Variants in POLR2C observed in about 807,000 individuals in gnomAD.
POLR2C encodes DNA-directed RNA polymerase II subunit RPB3.
A neutral mutation model predicts 41.7 loss-of-function variants in POLR2C; 36 were observed. The ratio of observed to expected loss-of-function variants is 0.86; its 90% confidence interval spans 0.66 to 1.14. POLR2C has a LOEUF of 1.14. Ranked by LOEUF, POLR2C falls within the 50% of genes most tolerant of loss-of-function variation. POLR2C has a pLI of 0.00. For missense variants in POLR2C, 260 were observed against 350.4 expected, an observed-to-expected ratio of 0.74 and a Z score of 2.06; for synonymous variants, 133 against 137.8, an observed-to-expected ratio of 0.96 and a Z score of 0.25.
rs373331408 is a variant in POLR2C at position 57,470,006 on chromosome 16, G to C, written c.485G>C (p.Arg162Pro). Residue 162 changes from arginine to proline, a missense_variant, in exon 7 of 9, where the codon CGA (arginine) becomes CCA (proline). Transcript: ENST00000219252. ...KLRKGQELRLRAYAKKGFGKE... is the reference protein window; with the variant it reads ...KLRKGQELRLPAYAKKGFGKE... ...AGAAAGGGCCAGGAGCTGAGACTTC[G>C]AGCCTATGCCAAAAAGGGCTTTGGC... The C allele has an allele frequency of 2.7e-5, 43 of 1,613,994 alleles. No individual in the cohort carries two copies. The highest frequency in any genetic ancestry group is 3.5e-5 in the Non-Finnish European group (41 of 1,180,020).
chr16:57,467,306 A>G (rs908436785), intron 4 of POLR2C, among the ~76,000 whole-genome samples: 14 of 152,248 alleles, frequency 9.2e-5, no homozygotes, highest in African/African-American at 3.4e-4. Context: ...ACCTAATACT[A>G]CGTTGTCACA....
rs754853119 is a variant in POLR2C, at chr16:57,462,714, C to A, written c.-11C>A. On this transcript the variant is annotated 5_prime_UTR_variant, in exon 1 of 9. Transcript: ENST00000219252. ...CGGAGCAGACGCGGAGGCTGGTGGC[C>A]CCTGGGCGAGATGCCGTACGCCAAC... is the stretch of plus-strand genomic sequence containing the variant. The A allele has an allele frequency of 5.7e-6, 9 of 1,586,996 alleles. No individual in the cohort carries two copies. The highest frequency in any genetic ancestry group is 3.5e-5 in the Admixed American group (2 of 57,340).
chr16:57,465,160 A>G (rs1488010424), intron 2 of POLR2C, among the ~76,000 whole-genome samples: 1 of 152,178 alleles, frequency 6.6e-6, no homozygotes, highest in Non-Finnish European at 1.5e-5. Context: ...AGCTTGGGTC[A>G]GGGTTCTCTC....
chr16:57,469,669 G>C lies in POLR2C; in HGVS notation c.388-41G>C. On this transcript the variant is annotated intron_variant, in intron 5 of 8. Transcript: ENST00000219252. This position sits in a 1 kb window ranked among gnomAD's most constrained non-coding sequence, Gnocchi z 5.8. ...TATGGATGCCAGAGGAGGTGACTGG[G>C]GAGGTGAGCAGCTAATGAATGCCTG... 6.5e-7 allele frequency: 1 copy of C among 1,542,744 alleles called. No homozygotes were observed. Among genetic ancestry groups the C allele is most frequent in the Non-Finnish European group, 9.0e-7 (1 of 1,116,328 alleles).
intron 2 of POLR2C, among the ~76,000 whole-genome samples, chr16:57,464,524 GTCAGC>G (rs546009841): frequency 2.0e-3 from 299 of 152,320 alleles, no homozygotes; most frequent in Non-Finnish European, 3.5e-3. Context: ...ATTTCTGAGA[GTCAGC>G]TCAGAGAGTT....
chr16:57,462,778 T>C lies in POLR2C; in HGVS notation c.54T>C (p.Asn18=). 6.2e-7 allele frequency: 1 copy of C among 1,609,742 alleles called. No individual in the cohort carries two copies. The highest frequency in any genetic ancestry group is 8.5e-7 in the Non-Finnish European group (1 of 1,178,032). ...TVRITELTDE[N]VKFIIENTDL... Reference sequence around the variant, plus strand: ...GGATCACGGAGCTCACTGACGAGAATGTCAAGTTCATCATCGAGAACACCG... The same window carrying C: ...GGATCACGGAGCTCACTGACGAGAACGTCAAGTTCATCATCGAGAACACCG... Residue 18 remains asparagine, a synonymous_variant, in exon 1 of 9, where the codon AAT becomes AAC. Transcript: ENST00000219252.
Position 57,469,604 on chromosome 16 carries a change from C to A in POLR2C, c.388-106C>A. Reference sequence around the variant, plus strand: ...CTGTGCCACCACCTCGTCAGGTGTTCGTTCCCTGGTTGACAGATTGCAGTC... The same window carrying A: ...CTGTGCCACCACCTCGTCAGGTGTTAGTTCCCTGGTTGACAGATTGCAGTC... On this transcript the variant is annotated intron_variant, in intron 5 of 8. Transcript: ENST00000219252. This position sits in a 1 kb window ranked among gnomAD's most constrained non-coding sequence, Gnocchi z 5.8. 1 of 985,876 alleles carries A rather than the reference C, an allele frequency of 1.0e-6. No individual in the cohort carries two copies. Among genetic ancestry groups the A allele is most frequent in the Non-Finnish European group, 1.6e-6 (1 of 617,350 alleles). The allele number at this position is 985,876 out of a possible 1,614,324, so 61.1% of individuals were successfully genotyped here.
chr16:57,470,075 A>C lies in POLR2C; in HGVS notation c.554A>C (p.Glu185Ala). Residue 185 changes from glutamate (E) to alanine (A), a missense_variant, in exon 7 of 9, where the codon GAA becomes GCA. Transcript: ENST00000219252. ...KWNPTAGVAF[E>A]YDPDNALRHT... ...AACCCTACTGCAGGGGTGGCTTTTG[A>C]ATACGATCCAGACAATGCCCTGAGG... The C allele has an allele frequency of 6.2e-7, 1 of 1,614,174 alleles. No homozygotes were observed. Among genetic ancestry groups the C allele is most frequent in the Non-Finnish European group, 8.5e-7 (1 of 1,180,036 alleles).
At chr16:57,466,993 G>A (rs2030723429) in intron 4 of POLR2C, among the ~76,000 whole-genome samples, 1 of 152,140 alleles carries the variant, frequency 6.6e-6, no homozygotes, top group African/African-American at 2.4e-5. Context: ...CAGCACTTTG[G>A]GAGGCCGAGG....
chr16:57,464,895 G>A (rs1160196393), intron 2 of POLR2C, among the ~76,000 whole-genome samples: 2 of 152,112 alleles, frequency 1.3e-5, no homozygotes, highest in Non-Finnish European at 2.9e-5. Context: ...CAGGACCTGC[G>A]TGAAGGAATT....
rs74876494 is a variant in POLR2C, at chr16:57,470,508, C to T, written c.683+154C>T. 274 of 616,362 alleles carry T rather than the reference C, an allele frequency of 4.4e-4. 1 individual carries two copies. In the African/African-American group the frequency reaches 4.7e-3, roughly 11 times the overall value. 38.2% of individuals were successfully genotyped at this position (616,362 alleles called of 1,614,324 possible). A position where few individuals can be genotyped will look rare whatever the true frequency, so the allele number is the denominator to read the frequency against. On this transcript the variant is annotated intron_variant, in intron 8 of 8. Coordinates refer to ENST00000219252, the MANE Select transcript of POLR2C (RefSeq NM_032940.3). The stretch of plus-strand genomic sequence containing the variant: ...CTAAACTAGACCTGTGGTATGTGCA[C>T]ATCCCAGGGGCAGGTCGTCAGCCCC...
intron 8 of POLR2C, 114 bp downstream of exon 8, chr16:57,470,468 A>C (rs755437502): frequency 2.5e-5 from 19 of 762,284 alleles, no homozygotes; most frequent in Non-Finnish European, 3.7e-5. Context: ...TAAGCTGAGG[A>C]GGGGCTGCTG....
At chr16:57,463,858 T>A in intron 2 of POLR2C, 1 of 307,364 alleles carries the variant, frequency 3.3e-6, no homozygotes, top group South Asian at 2.4e-5. Context: ...CAGAATTGAT[T>A]GAACCCAGAA....
intron 2 of POLR2C, among the ~76,000 whole-genome samples, chr16:57,464,389 C>G (rs1173814496): frequency 6.6e-6 from 1 of 152,228 alleles, no homozygotes; most frequent in East Asian, 1.9e-4. Context: ...ATCAGTAGTT[C>G]AGGAGAAGCA....
chr16:57,462,998 C>T (rs1316573348), intron 1 of POLR2C, 31 bp from the exon 2 acceptor site: 10 of 1,601,962 alleles, frequency 6.2e-6, no homozygotes, highest in Admixed American at 1.7e-5. Flanking sequence ...GGCTGCAGCG[C>T]CTTCACGCCC....
In POLR2C at chr16:57,466,101, C is replaced by T. The variant is rs141428827; in HGVS notation, c.206-74C>T. The T allele has an allele frequency of 1.5e-3, 2,101 of 1,443,380 alleles. 38 individuals carry two copies. The Admixed American group carries it at 0.034, about 23-fold the overall frequency. 89.4% of individuals were successfully genotyped at this position (1,443,380 alleles called of 1,614,324 possible). A position where few individuals can be genotyped will look rare whatever the true frequency, so the allele number is the denominator to read the frequency against. The stretch of plus-strand genomic sequence containing the variant: ...GAGGGGGCCTCCTTCCAGCCTCACC[C>T]CCAGAAGGCTTCTGGGTTCTCATTT... On this transcript the variant is annotated intron_variant, in intron 3 of 8. Transcript: ENST00000219252.
In POLR2C at chr16:57,469,518, G is replaced by C. The variant is rs2030778853; in HGVS notation, c.388-192G>C. ...CCCAGGGACTCTTTTAAAGGCCATGGAATTGTTTTGCCTGAGGCTACCACC... is the reference window on the plus strand; with the variant it reads ...CCCAGGGACTCTTTTAAAGGCCATGCAATTGTTTTGCCTGAGGCTACCACC... On this transcript the variant is annotated intron_variant, in intron 5 of 8. Coordinates refer to ENST00000219252, the MANE Select transcript of POLR2C (RefSeq NM_032940.3). This position sits in a 1 kb window ranked among gnomAD's most constrained non-coding sequence, Gnocchi z 5.8. 1 of 729,280 alleles carries C rather than the reference G, an allele frequency of 1.4e-6. No individual in the cohort carries two copies. The highest frequency in any genetic ancestry group is 2.4e-6 in the Non-Finnish European group (1 of 416,432). 45.2% of individuals were successfully genotyped at this position (729,280 alleles called of 1,614,324 possible).
Position 57,466,206 on chromosome 16 carries a change from G to A in POLR2C, c.237G>A (p.Val79=). Reference sequence around the variant, plus strand: ...TTCCCCTCATTAGTGATGACATTGTGGACAAGCTGCAGTACTCTCGGGTAT... The same window carrying A: ...TTCCCCTCATTAGTGATGACATTGTAGACAAGCTGCAGTACTCTCGGGTAT... ...GLIPLISDDI[V]DKLQYSRDCT... is the part of the protein sequence containing the mutation. Residue 79 remains valine, a synonymous_variant, in exon 4 of 9, where the codon GTG becomes GTA. Transcript: ENST00000219252. 6.3e-7 allele frequency: 1 copy of A among 1,599,508 alleles called. No homozygotes were observed. The highest frequency in any genetic ancestry group is 8.5e-7 in the Non-Finnish European group (1 of 1,173,580).
chr16:57,469,581 G>T lies in POLR2C; in HGVS notation c.388-129G>T. ...GGGGGTTGGAGTCCTGGGGGCATCT[G>T]TGCCACCACCTCGTCAGGTGTTCGT... is the stretch of plus-strand genomic sequence containing the variant. On this transcript the variant is annotated intron_variant, in intron 5 of 8. Transcript: ENST00000219252. The surrounding 1 kb of genome is among the most constrained non-coding windows in gnomAD (Gnocchi z 5.8). 1 of 847,902 alleles carries T rather than the reference G, an allele frequency of 1.2e-6. No individual in the cohort carries two copies. Among genetic ancestry groups the T allele is most frequent in the Non-Finnish European group, 2.0e-6 (1 of 501,708 alleles). The allele number at this position is 847,902 out of a possible 1,614,324, so 52.5% of individuals were successfully genotyped here. A position where few individuals can be genotyped will look rare whatever the true frequency, so the allele number is the denominator to read the frequency against.
Sources: gnomAD v4.1 joint callset for allele counts (sites outside exome capture counted in the v4.1 genomes callset) on GRCh38, gnomAD v4.1.1 for gene constraint, Gnocchi (gnomAD v3.1) non-coding constraint, MANE v1.5 for transcripts, NCBI Gene and HGNC (gene_info 2026-07-23, HGNC 2026-07-21) for gene names.